ERGIC1: variants seen among roughly 807,000 people sequenced by gnomAD.
ERGIC1 encodes endoplasmic reticulum-Golgi intermediate compartment protein 1.
In ERGIC1, 19 loss-of-function variants were observed where a neutral mutation model predicts 38.3. That is an observed-to-expected ratio of 0.50 (90% CI 0.35 to 0.73). ERGIC1 has a LOEUF of 0.73. ERGIC1 is among the 30% of genes least tolerant of loss of function. The probability of loss-of-function intolerance (pLI) is 0.01; values close to 1 mark genes in which losing one functional copy is unlikely to be tolerated. For synonymous variants in ERGIC1, 124 were observed against 157.6 expected, an observed-to-expected ratio of 0.79 and a Z score of 1.60; for missense variants, 294 against 389.2, an observed-to-expected ratio of 0.76 and a Z score of 2.06.
chr5:172,857,817 C>T (rs1761591195), intron 1 of ERGIC1, among the ~76,000 whole-genome samples: 1 of 152,138 alleles, frequency 6.6e-6, no homozygotes, highest in Non-Finnish European at 1.5e-5. Flanking sequence ...TCGGTCTCCC[C>T]ATCTGCTCTC....
Position 172,926,625 on chromosome 5 carries a change from A to G in ERGIC1, c.541+56A>G. On this transcript the variant is annotated intron_variant, in intron 7 of 9. Transcript: ENST00000393784. The surrounding 1 kb of genome is among the most constrained non-coding windows in gnomAD (Gnocchi z 5.2). ...CTCCAAGATGCCCAGTACAGCAGGC[A>G]GGGAGGGGGAGGGCAGAGAGGTGGG... 2 of 1,589,550 alleles carry G rather than the reference A, an allele frequency of 1.3e-6. No homozygotes were observed. The highest frequency in any genetic ancestry group is 2.2e-5 in the South Asian group (2 of 90,762).
At chr5:172,847,748 C>G (rs539398770) in intron 1 of ERGIC1, among the ~76,000 whole-genome samples, 1 of 152,224 alleles carries the variant, frequency 6.6e-6, no homozygotes, top group African/African-American at 2.4e-5. Context: ...CCGTTGACCT[C>G]GTGGTCCACC....
chr5:172,915,087 A>G (rs1273537247), intron 5 of ERGIC1: 1 of 714,468 alleles, frequency 1.4e-6, no homozygotes, highest in South Asian at 1.5e-5. Context: ...GAGGGGGACA[A>G]TGATGAGAAG....
intron 1 of ERGIC1, among the ~76,000 whole-genome samples, chr5:172,836,541 C>G (rs1035198003): frequency 6.6e-6 from 1 of 152,218 alleles, no homozygotes; most frequent in Non-Finnish European, 1.5e-5. Flanking sequence ...CAAACCTGCA[C>G]TCTTTAAGCT....
At position 172,864,750 on chromosome 5, in the gene ERGIC1, C is replaced by A. The variant is rs927878017; in HGVS notation, c.21-23949C>A. Reference sequence around the variant, plus strand: ...TGAACCATATTAACATGTCCCCCCCCCTTTTTTTTTGAGCACCTATTATAT... The same window carrying A: ...TGAACCATATTAACATGTCCCCCCCACTTTTTTTTTGAGCACCTATTATAT... On this transcript the variant is annotated intron_variant, in intron 1 of 9. Coordinates refer to ENST00000393784, the MANE Select transcript of ERGIC1 (RefSeq NM_001031711.3). 9.7e-4 allele frequency among the ~76,000 whole-genome samples: 148 copies of A among 152,158 alleles called. 1 individual carries two copies. Among genetic ancestry groups the A allele is most frequent in the African/African-American group, 3.2e-3 (134 of 41,512 alleles).
At chr5:172,909,035 A>G (rs1763134938) in intron 3 of ERGIC1, among the ~76,000 whole-genome samples, 1 of 152,188 alleles carries the variant, frequency 6.6e-6, no homozygotes, top group African/African-American at 2.4e-5. Flanking sequence ...CCCACTTAAC[A>G]GGTGTGTTCA....
intron 1 of ERGIC1, among the ~76,000 whole-genome samples, chr5:172,858,213 C>T (rs893291622): frequency 1.3e-5 from 2 of 152,180 alleles, no homozygotes; most frequent in African/African-American, 4.8e-5. Context: ...GGCAAAGGCC[C>T]TGAGGTGGGA....
Position 172,935,245 on chromosome 5 carries a change from G to A in ERGIC1, c.700G>A (p.Asp234Asn), listed in dbSNP as rs1225753117. Residue 234 changes from aspartate to asparagine, a missense_variant, in exon 9 of 10, where the codon GAC becomes AAC. Physicochemically the swap from Asp to Asn is conservative, Grantham distance 23. Around this residue, in one of 3 missense-constraint regions of ERGIC1, gnomAD observed 109 missense variants for 112.7 expected, o/e 0.97. Coordinates refer to ENST00000393784, the MANE Select transcript of ERGIC1 (RefSeq NM_001031711.3). Reference sequence around the variant, plus strand: ...CATCCCTGCAATCTGGTTCCGCTACGACCTCAGCCCCATCACGGTCAAGTA... The same window carrying A: ...CATCCCTGCAATCTGGTTCCGCTACAACCTCAGCCCCATCACGGTCAAGTA... ...RIIPAIWFRY[D>N]LSPITVKYTE... 6.2e-6 allele frequency: 10 copies of A among 1,614,006 alleles called. No individual in the cohort carries two copies. Among genetic ancestry groups the A allele is most frequent in the Admixed American group, 1.7e-5 (1 of 59,992 alleles).
At chr5:172,937,140 A>G (rs1041935965) in intron 9 of ERGIC1, 1 of 152,232 alleles carries the variant, frequency 6.6e-6, no homozygotes, top group Admixed American at 6.5e-5. Flanking sequence ...CAAACGGCAC[A>G]TAACATAAAG....
intron 1 of ERGIC1, among the ~76,000 whole-genome samples, chr5:172,844,512 T>A (rs1761238243): frequency 6.6e-6 from 1 of 152,248 alleles, no homozygotes; most frequent in Admixed American, 6.5e-5. Flanking sequence ...CACATGGCAG[T>A]GTGACCAGGA....
At chr5:172,900,352 G>A (rs576834937) in intron 3 of ERGIC1, among the ~76,000 whole-genome samples, 1 of 152,196 alleles carries the variant, frequency 6.6e-6, no homozygotes, top group Admixed American at 6.5e-5. Flanking sequence ...CTCTCTCCCA[G>A]CGGCATCCCG....
rs149505461 is a variant in ERGIC1, at chr5:172,855,562, A to G, written c.20+21129A>G. 2.0e-5 allele frequency among the ~76,000 whole-genome samples: 3 copies of G among 152,336 alleles called. No individual in the cohort carries two copies. The East Asian group carries it at 5.8e-4, about 29-fold the overall frequency. On this transcript the variant is annotated intron_variant, in intron 1 of 9. Coordinates refer to ENST00000393784, the MANE Select transcript of ERGIC1 (RefSeq NM_001031711.3). ...CAGTTGGAGGATCAAGAGTTTTCCC[A>G]GCGAGAATATCCAGGGAACTCTGGG...
In ERGIC1 at chr5:172,909,168, C is replaced by CTTTTTT. The variant is rs70984920; in HGVS notation, c.156-486_156-481dup. Among the ~76,000 whole-genome samples the CTTTTTT allele has an allele frequency of 6.0e-3, 482 of 80,816 alleles. 28 individuals are homozygous for CTTTTTT. The highest frequency in any genetic ancestry group is 0.021 in the African/African-American group (444 of 21,362). The allele number at this position is 80,816 out of a possible 152,430, so 53.0% of individuals were successfully genotyped here. ...CTTTCCTGAGCCCCAGCCCTCCCCT[C>CTTTTTT]TTTTTTTTTTTTTTTTTTGAGACGG... On this transcript the variant is annotated intron_variant, in intron 3 of 9. Coordinates refer to ENST00000393784, the MANE Select transcript of ERGIC1 (RefSeq NM_001031711.3).
chr5:172,948,183 C>G (rs1248322954), intron 9 of ERGIC1, among the ~76,000 whole-genome samples: 1 of 152,196 alleles, frequency 6.6e-6, no homozygotes, highest in Non-Finnish European at 1.5e-5. Flanking sequence ...GCTCCGGTTT[C>G]CTGGGCTGTT....
intron 8 of ERGIC1, chr5:172,933,415 T>G (rs1448894000): frequency 6.6e-6 from 1 of 152,210 alleles, no homozygotes; most frequent in Non-Finnish European, 1.5e-5. Flanking sequence ...GAGACTGTTA[T>G]TGAGCCCATT....
intron 1 of ERGIC1, among the ~76,000 whole-genome samples, chr5:172,857,105 A>G (rs1389798037): frequency 6.6e-6 from 1 of 152,224 alleles, no homozygotes. Context: ...GCTGAAGTTC[A>G]TTCAAATAAC....
intron 4 of ERGIC1, among the ~76,000 whole-genome samples, chr5:172,912,829 C>T (rs576286443): frequency 1.3e-5 from 2 of 151,100 alleles, no homozygotes; most frequent in East Asian, 3.9e-4. Flanking sequence ...AGTACAGTGG[C>T]ATGATCTCAG....
At chr5:172,923,706 C>A (rs1278019238) in intron 5 of ERGIC1, among the ~76,000 whole-genome samples, 1 of 152,228 alleles carries the variant, frequency 6.6e-6, no homozygotes, top group Non-Finnish European at 1.5e-5. Context: ...GGGGGAGCAG[C>A]TGCCATGAGT....
intron 9 of ERGIC1, among the ~76,000 whole-genome samples, chr5:172,940,792 G>T (rs764873509): frequency 2.3e-4 from 35 of 152,190 alleles, no homozygotes; most frequent in Non-Finnish European, 4.3e-4. Context: ...ACCCACAGAC[G>T]TTCCTCTCTG....
Sources: gnomAD v4.1 joint callset for allele counts (sites outside exome capture counted in the v4.1 genomes callset) on GRCh38, gnomAD v4.1.1 for gene constraint, gnomAD v4.1.1 regional missense constraint, Gnocchi (gnomAD v3.1) non-coding constraint, MANE v1.5 for transcripts, NCBI Gene and HGNC (gene_info 2026-07-23, HGNC 2026-07-21) for gene names.